The following ADGRL4 variants were observed in gnomAD, a reference collection of about 807,000 sequenced individuals.
The protein encoded by ADGRL4 is adhesion G protein-coupled receptor L4, also known as EGF, latrophilin and seven transmembrane domain containing 1.
ADGRL4 carries 90 observed loss-of-function variants against 74.8 expected under a neutral mutation model. That is an observed-to-expected ratio of 1.20 (90% CI 1.02 to 1.43). ADGRL4 has a LOEUF of 1.43. ADGRL4 is among the 40% of genes most tolerant of loss of function. ADGRL4 has a pLI of 0.00. For synonymous variants in ADGRL4, 311 were observed against 279.2 expected (o/e 1.11, Z -1.14); for missense variants, 881 against 814.3 (o/e 1.08, Z -1.00).
At chr1:78,951,165 G>A (rs918905322) in intron 2 of ADGRL4, among the ~76,000 whole-genome samples, 1 of 151,986 alleles carries the variant, frequency 6.6e-6, no homozygotes, top group Admixed American at 6.6e-5. Flanking sequence ...AACTCCCCAG[G>A]TTCCATCTCA....
At chr1:78,908,008 A>G (rs1019028696) in intron 12 of ADGRL4, among the ~76,000 whole-genome samples, 1 of 151,990 alleles carries the variant, frequency 6.6e-6, no homozygotes, top group Non-Finnish European at 1.5e-5. Flanking sequence ...TTTCCGTATG[A>G]GAGAAAGAAA....
chr1:78,975,909 T>C (rs779285000), intron 2 of ADGRL4, among the ~76,000 whole-genome samples: 2 of 151,550 alleles, frequency 1.3e-5, no homozygotes, highest in Non-Finnish European at 2.9e-5. Context: ...ACAAAAACAA[T>C]CACTGCCAGA....
At chr1:78,964,259 C>T (rs760671533) in intron 2 of ADGRL4, among the ~76,000 whole-genome samples, 4 of 152,112 alleles carry the variant, frequency 2.6e-5, no homozygotes, top group Non-Finnish European at 5.9e-5. Context: ...GTAAAATGTA[C>T]ATTTATTTAT....
At chr1:78,935,920 G>A (rs1649342347) in intron 7 of ADGRL4, among the ~76,000 whole-genome samples, 1 of 87,816 alleles carries the variant, frequency 1.1e-5, no homozygotes, top group Non-Finnish European at 2.6e-5. Flanking sequence ...TCAGGAGATC[G>A]AGACCATCCT....
intron 4 of ADGRL4, 118 bp from the exon 5 acceptor site, chr1:78,938,397 A>G: frequency 4.6e-6 from 3 of 655,348 alleles, no homozygotes; most frequent in Non-Finnish European, 4.8e-6. Context: ...ACACATAAAT[A>G]ATATCAAACT....
intron 2 of ADGRL4, among the ~76,000 whole-genome samples, chr1:78,989,019 C>T (rs959749540): frequency 6.6e-6 from 1 of 151,574 alleles, no homozygotes; most frequent in South Asian, 2.1e-4. Flanking sequence ...TCATTTATTT[C>T]GTATATTTTA....
chr1:78,988,839 C>T (rs1040878878), intron 2 of ADGRL4, among the ~76,000 whole-genome samples: 5 of 151,820 alleles, frequency 3.3e-5, no homozygotes, highest in Non-Finnish European at 7.4e-5. Flanking sequence ...GCTAATTATT[C>T]AATCTTTCCA....
At chr1:78,897,670 G>GA (rs1254311282) in intron 12 of ADGRL4, among the ~76,000 whole-genome samples, 3 of 151,944 alleles carry the variant, frequency 2.0e-5, no homozygotes, top group African/African-American at 4.8e-5. Context: ...ACTTTTGCCA[G>GA]AAAAAATACT....
intron 10 of ADGRL4, among the ~76,000 whole-genome samples, chr1:78,919,776 G>A (rs1648957757): frequency 6.6e-6 from 1 of 151,854 alleles, no homozygotes; most frequent in African/African-American, 2.4e-5. Context: ...AAAGATACTA[G>A]GTAAAACCAA....
At chr1:78,938,534 T>TA (rs5775469) in intron 4 of ADGRL4, among the ~76,000 whole-genome samples, 85,863 of 151,854 alleles carry the variant, frequency 0.57, 24,469 homozygotes, top group South Asian at 0.63. Flanking sequence ...ATAATTTTTT[T>TA]AAATGAGCTT....
At chr1:78,969,708 T>G (rs1005181993) in intron 2 of ADGRL4, among the ~76,000 whole-genome samples, 12 of 36,842 alleles carry the variant, frequency 3.3e-4, no homozygotes, top group African/African-American at 7.0e-4. Flanking sequence ...GATTTGTGGG[T>G]TTTTTTTTTT....
intron 12 of ADGRL4, among the ~76,000 whole-genome samples, chr1:78,896,617 A>G (rs533373042): frequency 6.6e-6 from 1 of 152,102 alleles, no homozygotes; most frequent in African/African-American, 2.4e-5. Context: ...GGCCACCATC[A>G]TGCCTCCTCT....
intron 12 of ADGRL4, among the ~76,000 whole-genome samples, chr1:78,903,053 C>A (rs948889128): frequency 2.0e-5 from 3 of 152,158 alleles, no homozygotes; most frequent in Non-Finnish European, 4.4e-5. Flanking sequence ...GATATTTTCC[C>A]ACGGAAAAAT....
intron 12 of ADGRL4, among the ~76,000 whole-genome samples, chr1:78,894,606 T>C (rs1435679509): frequency 6.6e-6 from 1 of 151,892 alleles, no homozygotes; most frequent in Non-Finnish European, 1.5e-5. Context: ...TTTCAATAGC[T>C]ATAGCTTCTT....
intron 2 of ADGRL4, among the ~76,000 whole-genome samples, chr1:78,984,658 G>A (rs1403267693): frequency 2.0e-5 from 3 of 151,018 alleles, no homozygotes; most frequent in Non-Finnish European, 1.5e-5. Flanking sequence ...GAAGAAAGCA[G>A]ACAACAGAGT....
chr1:78,952,403 C>A lies in ADGRL4; in HGVS notation c.173-5977G>T, dbSNP rs1257767348. ...TTTGTTTTCAACAGCACTGGGAATTCTCTTTCCATATCAGTACTATAAGGA... is the reference window on the plus strand; with the variant it reads ...TTTGTTTTCAACAGCACTGGGAATTATCTTTCCATATCAGTACTATAAGGA... On this transcript the variant is annotated intron_variant, in intron 2 of 14. Transcript: ENST00000370742. 3.0e-5 allele frequency among the ~76,000 whole-genome samples: 4 copies of A among 134,988 alleles called. No homozygotes were observed. The East Asian group carries it at 9.7e-4, about 33-fold the overall frequency. The allele number at this position is 134,988 out of a possible 152,430, so 88.6% of individuals were successfully genotyped here. A position where few individuals can be genotyped will look rare whatever the true frequency, so the allele number is the denominator to read the frequency against.
intron 10 of ADGRL4, 65 bp from the exon 11 acceptor site, chr1:78,918,115 A>G: frequency 7.6e-7 from 1 of 1,323,934 alleles, no homozygotes. Flanking sequence ...ATAACATACA[A>G]TCTCTACTTT....
intron 8 of ADGRL4, among the ~76,000 whole-genome samples, chr1:78,922,244 G>C (rs1185554228): frequency 6.6e-6 from 1 of 151,954 alleles, no homozygotes; most frequent in Admixed American, 6.6e-5. Context: ...GATATGGAGG[G>C]TTGTCCAAGG....
intron 8 of ADGRL4, among the ~76,000 whole-genome samples, chr1:78,923,582 A>G (rs1649045647): frequency 6.6e-6 from 1 of 151,992 alleles, no homozygotes; most frequent in Non-Finnish European, 1.5e-5. Flanking sequence ...AACCAAGATG[A>G]ACAATCCAAA....
Sources: gnomAD v4.1 joint callset for allele counts (sites outside exome capture counted in the v4.1 genomes callset) on GRCh38, gnomAD v4.1.1 for gene constraint, MANE v1.5 for transcripts, NCBI Gene and HGNC (gene_info 2026-07-23, HGNC 2026-07-21) for gene names.